Variants in OSBPL1A observed in about 807,000 individuals in gnomAD.
The protein encoded by OSBPL1A is oxysterol-binding protein-related protein 1.
Under a neutral mutation model 137.1 loss-of-function variants are expected in OSBPL1A, and 80 were observed. The observed-to-expected ratio is 0.58, with a 90% CI of 0.49 to 0.70. The LOEUF (loss-of-function observed/expected upper bound fraction) is 0.70, where lower values mean the gene tolerates loss of function less well. Among genes scored for constraint, OSBPL1A ranks in the 30% least tolerant of loss-of-function variants. OSBPL1A has a pLI of 0.00. For synonymous variants in OSBPL1A, 365 were observed against 389.7 expected (o/e 0.94, Z 0.75); for missense variants, 970 against 1,129.4 (o/e 0.86, Z 2.02).
At chr18:24,164,756 A>G (rs570325204) in intron 27 of OSBPL1A, among the ~76,000 whole-genome samples, 2 of 152,202 alleles carry the variant, frequency 1.3e-5, no homozygotes, top group African/African-American at 4.8e-5. Context: ...CTTAACTACC[A>G]TAGGATCCGG....
intron 18 of OSBPL1A, among the ~76,000 whole-genome samples, chr18:24,183,599 A>AT (rs57480189): frequency 0.028 from 4,198 of 148,948 alleles, 143 homozygotes; most frequent in African/African-American, 0.088. Flanking sequence ...TGCCTGGCTA[A>AT]TTTTTTTTTT....
At chr18:24,201,769 A>AG (rs1567941657) in intron 17 of OSBPL1A, among the ~76,000 whole-genome samples, 3 of 151,972 alleles carry the variant, frequency 2.0e-5, no homozygotes, top group African/African-American at 7.3e-5. Context: ...TTAAAAAAAA[A>AG]AAAGAAAGAA....
intron 17 of OSBPL1A, among the ~76,000 whole-genome samples, chr18:24,205,143 G>A (rs906310979): frequency 1.3e-5 from 2 of 152,120 alleles, no homozygotes; most frequent in African/African-American, 4.8e-5. Flanking sequence ...TAAATAACTT[G>A]TCCATGGTCA....
intron 11 of OSBPL1A, among the ~76,000 whole-genome samples, chr18:24,314,909 T>G (rs2090690362): frequency 6.6e-6 from 1 of 152,108 alleles, no homozygotes; most frequent in African/African-American, 2.4e-5. Flanking sequence ...CAGTAGGATA[T>G]AAATAACTCC....
chr18:24,354,910 C>T (rs2091506026), intron 4 of OSBPL1A, among the ~76,000 whole-genome samples: 1 of 152,140 alleles, frequency 6.6e-6, no homozygotes, highest in Non-Finnish European at 1.5e-5. Flanking sequence ...GCTGAACCTG[C>T]CACTCATTAC....
intron 15 of OSBPL1A, among the ~76,000 whole-genome samples, chr18:24,251,372 C>T (rs918488249): frequency 2.0e-5 from 3 of 152,134 alleles, no homozygotes; most frequent in Non-Finnish European, 4.4e-5. Context: ...GTGTTTGCAT[C>T]ACCATACACC....
chr18:24,350,610 T>A (rs2091422250), intron 4 of OSBPL1A, among the ~76,000 whole-genome samples: 1 of 152,084 alleles, frequency 6.6e-6, no homozygotes, highest in Non-Finnish European at 1.5e-5. Context: ...TAATTTTAAT[T>A]TATATACTTC....
intron 25 of OSBPL1A, 25 bp from the exon 26 acceptor site, chr18:24,166,727 T>C (rs373444688): frequency 1.0e-5 from 16 of 1,600,348 alleles, no homozygotes; most frequent in Non-Finnish European, 1.4e-5. Flanking sequence ...AAGGAAGAAA[T>C]TAAAATATGC....
Position 24,317,186 on chromosome 18 carries a change from C to T in OSBPL1A, c.833G>A (p.Arg278His), listed in dbSNP as rs746188667. 1.2e-5 allele frequency: 19 copies of T among 1,612,890 alleles called. No individual in the cohort carries two copies. The highest frequency in any genetic ancestry group is 4.5e-5 in the East Asian group (2 of 44,820). Reference protein sequence around the residue: ...KQPDAVHNIYRQGCKHLTQAV... With the variant: ...KQPDAVHNIYHQGCKHLTQAV... ...TTGAGTCAGGTGTTTGCATCCCTGGCGATAAATATTATGAACTGCATCAGG... is the reference window on the plus strand; with the variant it reads ...TTGAGTCAGGTGTTTGCATCCCTGGTGATAAATATTATGAACTGCATCAGG... The change falls in exon 11 of 28, where the codon CGC becomes CAC. Residue 278 changes from arginine (R) to histidine (H), a missense_variant. Coordinates refer to ENST00000319481, the MANE Select transcript of OSBPL1A (RefSeq NM_080597.4).
chr18:24,303,106 T>G (rs2039820030), intron 14 of OSBPL1A, among the ~76,000 whole-genome samples: 1 of 151,922 alleles, frequency 6.6e-6, no homozygotes, highest in Non-Finnish European at 1.5e-5. Flanking sequence ...GTTCAAGCGA[T>G]TCTCCTGCCT....
intron 11 of OSBPL1A, among the ~76,000 whole-genome samples, chr18:24,315,439 A>G (rs1027269598): frequency 1.5e-4 from 22 of 151,604 alleles, no homozygotes; most frequent in Admixed American, 9.3e-4. Context: ...GCCACTGCCC[A>G]AGACACATAG....
intron 19 of OSBPL1A, among the ~76,000 whole-genome samples, chr18:24,180,675 C>T (rs1215517053): frequency 6.6e-6 from 1 of 152,136 alleles, no homozygotes; most frequent in African/African-American, 2.4e-5. Context: ...GAGATCGAGA[C>T]CATCCTGGCT....
intron 16 of OSBPL1A, 56 bp downstream of exon 16, chr18:24,239,164 T>C: frequency 1.3e-6 from 2 of 1,586,408 alleles, no homozygotes; most frequent in Non-Finnish European, 1.7e-6. Flanking sequence ...ACATTGCTCA[T>C]TTAGGTGGTG....
intron 15 of OSBPL1A, among the ~76,000 whole-genome samples, chr18:24,246,083 GAGCCTGTAATCCC>G (rs1171772295): frequency 2.6e-5 from 4 of 151,940 alleles, no homozygotes; most frequent in Admixed American, 6.6e-5. Context: ...GTGGTGGCAG[GAGCCTGTAATCCC>G]AGCTACTTGG....
chr18:24,174,499 A>G (rs548747224), intron 21 of OSBPL1A, among the ~76,000 whole-genome samples: 50 of 152,362 alleles, frequency 3.3e-4, no homozygotes, highest in African/African-American at 1.1e-3. Flanking sequence ...ATGCTAAACC[A>G]GTAGGTATAT....
At chr18:24,350,661 G>A (rs1185360652) in intron 4 of OSBPL1A, among the ~76,000 whole-genome samples, 2 of 151,976 alleles carry the variant, frequency 1.3e-5, no homozygotes, top group African/African-American at 4.8e-5. Flanking sequence ...ACAGGAACAG[G>A]AATAAGAATA....
At chr18:24,198,863 G>GTTT (rs570099539) in intron 17 of OSBPL1A, among the ~76,000 whole-genome samples, 2 of 141,664 alleles carry the variant, frequency 1.4e-5, no homozygotes, top group Non-Finnish European at 3.1e-5. Context: ...TTTTTTTGTT[G>GTTT]TTTTTTTTTT....
intron 21 of OSBPL1A, 118 bp from the exon 22 acceptor site, chr18:24,172,601 G>A (rs985756510): frequency 1.1e-5 from 7 of 609,318 alleles, no homozygotes; most frequent in Non-Finnish European, 2.0e-5. Context: ...AGATAACTAC[G>A]TTCTAAGCCT....
intron 15 of OSBPL1A, among the ~76,000 whole-genome samples, chr18:24,266,945 G>A (rs750689423): frequency 7.9e-5 from 12 of 151,808 alleles, no homozygotes; most frequent in Non-Finnish European, 1.5e-4. Context: ...ACAGATAATT[G>A]TAAAATTTAA....
Sources: gnomAD v4.1 joint callset for allele counts (sites outside exome capture counted in the v4.1 genomes callset) on GRCh38, gnomAD v4.1.1 for gene constraint, MANE v1.5 for transcripts, NCBI Gene and HGNC (gene_info 2026-07-23, HGNC 2026-07-21) for gene names.